Variants in AGAP1 observed in about 807,000 individuals in gnomAD.
AGAP1 encodes the protein arf-GAP with GTPase, ANK repeat and PH domain-containing protein 1.
AGAP1 carries 29 observed loss-of-function variants against 105.3 expected under a neutral mutation model. That is an observed-to-expected ratio of 0.28 (90% CI 0.21 to 0.38). The LOEUF (loss-of-function observed/expected upper bound fraction) is 0.38. AGAP1 is among the 10% of genes least tolerant of loss of function. AGAP1 has a pLI of 1.00. For synonymous variants in AGAP1, 509 were observed against 485.9 expected, an observed-to-expected ratio of 1.05 and a Z score of -0.63; for missense variants, 998 against 1,165.1, an observed-to-expected ratio of 0.86 and a Z score of 2.09.
intron 1 of AGAP1, among the ~76,000 whole-genome samples, chr2:235,656,160 A>G (rs1947764584): frequency 6.6e-6 from 1 of 152,228 alleles, no homozygotes; most frequent in Admixed American, 6.5e-5. Flanking sequence ...GACAAGCAGT[A>G]GAGAATATTG....
intron 1 of AGAP1, among the ~76,000 whole-genome samples, chr2:235,548,694 A>T (rs1430651913): frequency 6.6e-6 from 1 of 151,308 alleles, no homozygotes; most frequent in African/African-American, 2.4e-5. Context: ...GAAGACCTGC[A>T]GCCCCTTATC....
chr2:235,726,148 A>G (rs1426393762), intron 3 of AGAP1, among the ~76,000 whole-genome samples: 2 of 152,168 alleles, frequency 1.3e-5, no homozygotes, highest in African/African-American at 4.8e-5. Flanking sequence ...TTCCAGAGAA[A>G]ATACCTTTCT....
chr2:235,826,691 G>A (rs1959090606), intron 9 of AGAP1, among the ~76,000 whole-genome samples: 1 of 152,128 alleles, frequency 6.6e-6, no homozygotes, highest in Non-Finnish European at 1.5e-5. Flanking sequence ...ACCCGCCTCA[G>A]CCTCCCAAAG....
chr2:235,511,182 T>C (rs1284830099), intron 1 of AGAP1, among the ~76,000 whole-genome samples: 7 of 152,018 alleles, frequency 4.6e-5, no homozygotes, highest in Admixed American at 3.9e-4. Context: ...GTCTTCGTCA[T>C]CCCGAGACTG....
intron 1 of AGAP1, among the ~76,000 whole-genome samples, chr2:235,646,838 A>G (rs751776618): frequency 3.9e-5 from 6 of 152,196 alleles, no homozygotes; most frequent in Non-Finnish European, 8.8e-5. Context: ...TCCATATCAC[A>G]GAAAGTCAAG....
At chr2:235,704,610 C>A (rs1950431372) in intron 1 of AGAP1, among the ~76,000 whole-genome samples, 1 of 147,814 alleles carries the variant, frequency 6.8e-6, no homozygotes, top group African/African-American at 2.5e-5. Flanking sequence ...CGCGCCACTA[C>A]ACTCCAGCCT....
intron 9 of AGAP1, among the ~76,000 whole-genome samples, chr2:235,839,539 G>C (rs1020903956): frequency 1.3e-5 from 2 of 151,476 alleles, no homozygotes; most frequent in Non-Finnish European, 2.9e-5. Context: ...AGTGAGCTAT[G>C]ATCGCACTGC....
intron 12 of AGAP1, among the ~76,000 whole-genome samples, chr2:235,942,455 A>T (rs2053304804): frequency 6.6e-6 from 1 of 152,116 alleles, no homozygotes; most frequent in African/African-American, 2.4e-5. Context: ...AGACGGGCGG[A>T]TCACCTGAGG....
rs1013713203 is a variant in AGAP1 at position 235,919,460 on chromosome 2, G to A, written c.1324+10554G>A. 2.6e-5 allele frequency among the ~76,000 whole-genome samples: 4 copies of A among 152,234 alleles called. No homozygotes were observed. The highest frequency in any genetic ancestry group is 4.4e-5 in the Non-Finnish European group (3 of 68,024). On this transcript the variant is annotated intron_variant, in intron 11 of 17. Coordinates refer to ENST00000304032, the MANE Select transcript of AGAP1 (RefSeq NM_001037131.3). The surrounding 1 kb of genome is among the most constrained non-coding windows in gnomAD (Gnocchi z 4.1). ...CCCAACCAGCAAACCTGTAAAACCC[G>A]CCTCATGTTATCAGACTTGTGAGCC... is the stretch of plus-strand genomic sequence containing the variant.
At chr2:236,122,680 A>ATTTTTTTTTTT (rs71039713) in intron 17 of AGAP1, among the ~76,000 whole-genome samples, 3 of 123,606 alleles carry the variant, frequency 2.4e-5, no homozygotes, top group Non-Finnish European at 3.3e-5. Context: ...TCCAGTGACA[A>ATTTTTTTTTTT]TTTTTTTTTT....
At chr2:235,626,632 C>T (rs745872672) in intron 1 of AGAP1, among the ~76,000 whole-genome samples, 7 of 152,126 alleles carry the variant, frequency 4.6e-5, no homozygotes, top group Non-Finnish European at 7.4e-5. Context: ...TCAATGAACA[C>T]GCTAATTATG....
At chr2:235,511,973 T>C (rs1325898856) in intron 1 of AGAP1, among the ~76,000 whole-genome samples, 1 of 144,150 alleles carries the variant, frequency 6.9e-6, no homozygotes, top group Non-Finnish European at 1.5e-5. Flanking sequence ...AAGGTGATTG[T>C]GAGTGTGTGA....
rs1291800543 is a variant in AGAP1 at position 236,002,957 on chromosome 2, C to T, written c.1646-33604C>T. Among the ~76,000 whole-genome samples, 1 of 152,118 alleles carries T rather than the reference C, an allele frequency of 6.6e-6. No individual in the cohort carries two copies. The highest frequency in any genetic ancestry group is 2.4e-5 in the African/African-American group (1 of 41,414). Reference sequence around the variant, plus strand: ...AGCCATGAGACACCTGCTCTGCACCCAGCTCTTCTTTTGTTTTGCTCACCG... The same window carrying T: ...AGCCATGAGACACCTGCTCTGCACCTAGCTCTTCTTTTGTTTTGCTCACCG... On this transcript the variant is annotated intron_variant, in intron 13 of 17. Coordinates refer to ENST00000304032, the MANE Select transcript of AGAP1 (RefSeq NM_001037131.3). This position sits in a 1 kb window ranked among gnomAD's most constrained non-coding sequence, Gnocchi z 4.3.
In AGAP1 at chr2:236,002,215, C is replaced by T. The variant is rs1256131966; in HGVS notation, c.1645+33592C>T. On this transcript the variant is annotated intron_variant, in intron 13 of 17. Coordinates refer to ENST00000304032, the MANE Select transcript of AGAP1 (RefSeq NM_001037131.3). The surrounding 1 kb of genome is among the most constrained non-coding windows in gnomAD (Gnocchi z 4.3). ...TCGTTGAGAACATGTGTGGTAGGCA[C>T]GTGCTGGGCACTGAAAATAAACAGA... 6.6e-6 allele frequency among the ~76,000 whole-genome samples: 1 copy of T among 152,200 alleles called. No homozygotes were observed. The highest frequency in any genetic ancestry group is 2.4e-5 in the African/African-American group (1 of 41,450).
rs1951805523 is a variant in AGAP1 at position 235,729,119 on chromosome 2, G to T, written c.310+11475G>T. Among the ~76,000 whole-genome samples the T allele has an allele frequency of 6.6e-6, 1 of 152,142 alleles. No homozygotes were observed. The highest frequency in any genetic ancestry group is 1.5e-5 in the Non-Finnish European group (1 of 68,032). On this transcript the variant is annotated intron_variant, in intron 3 of 17. Coordinates refer to ENST00000304032, the MANE Select transcript of AGAP1 (RefSeq NM_001037131.3). The surrounding 1 kb of genome is among the most constrained non-coding windows in gnomAD (Gnocchi z 5.0). The stretch of plus-strand genomic sequence containing the variant: ...ACTGGCTTTGGAGGGGGACCTAAGA[G>T]GACAGATAGGGGAATCCCCAGGCCA...
chr2:236,050,176 G>C lies in AGAP1; in HGVS notation c.2114+895G>C, dbSNP rs2057853748. Among the ~76,000 whole-genome samples, 1 of 152,216 alleles carries C rather than the reference G, an allele frequency of 6.6e-6. No homozygotes were observed. The highest frequency in any genetic ancestry group is 1.5e-5 in the Non-Finnish European group (1 of 68,040). On this transcript the variant is annotated intron_variant, in intron 16 of 17. Transcript: ENST00000304032. The surrounding 1 kb of genome is among the most constrained non-coding windows in gnomAD (Gnocchi z 4.0). ...TTGCTGCTGATCAGATAAAATGAAAGTTCAAGTGGTAATCTGTGGTTACGC... is the reference window on the plus strand; with the variant it reads ...TTGCTGCTGATCAGATAAAATGAAACTTCAAGTGGTAATCTGTGGTTACGC...
intron 9 of AGAP1, among the ~76,000 whole-genome samples, chr2:235,849,581 C>A (rs1425212476): frequency 6.6e-6 from 1 of 152,140 alleles, no homozygotes; most frequent in Non-Finnish European, 1.5e-5. Context: ...AGCCCGGGCC[C>A]CCTTATGCCT....
At chr2:235,671,820 C>T (rs1053042861) in intron 1 of AGAP1, among the ~76,000 whole-genome samples, 2 of 152,200 alleles carry the variant, frequency 1.3e-5, no homozygotes, top group African/African-American at 4.8e-5. Context: ...ATGGAGGGAT[C>T]TCCAGCCAGA....
At position 235,666,732 on chromosome 2, in the gene AGAP1, C is replaced by A. The variant is rs1948139706; in HGVS notation, c.164-42447C>A. Among the ~76,000 whole-genome samples the A allele has an allele frequency of 2.6e-5, 4 of 151,462 alleles. 1 individual carries two copies. Among genetic ancestry groups the A allele is most frequent in the Non-Finnish European group, 5.9e-5 (4 of 67,988 alleles). On this transcript the variant is annotated intron_variant, in intron 1 of 17. Transcript: ENST00000304032. ...ACAAAGGTACAGTAATTGGGAGACACAAACAGTCCAGTGTTTTAGCCCTGA... is the reference window on the plus strand; with the variant it reads ...ACAAAGGTACAGTAATTGGGAGACAAAAACAGTCCAGTGTTTTAGCCCTGA...
Sources: allele counts gnomAD v4.1 joint callset (sites outside exome capture counted in the v4.1 genomes callset), GRCh38; gene constraint gnomAD v4.1.1; non-coding constraint Gnocchi (gnomAD v3.1); transcripts MANE v1.5; gene names NCBI Gene and HGNC (gene_info 2026-07-23, HGNC 2026-07-21).